FBXO7: variants seen among roughly 807,000 people sequenced by gnomAD.
FBXO7 encodes F-box only protein 7.
In FBXO7, 31 loss-of-function variants were observed where a neutral mutation model predicts 50.2. The observed-to-expected ratio is 0.62, with a 90% CI of 0.46 to 0.83. FBXO7 has a LOEUF of 0.83. Among genes scored for constraint, FBXO7 ranks in the 40% least tolerant of loss-of-function variants. FBXO7 has a pLI of 0.00. For missense variants in FBXO7, 667 were observed against 646.6 expected (o/e 1.03, Z -0.34); for synonymous variants, 256 against 253.1 (o/e 1.01, Z -0.11).
At position 32,490,985 on chromosome 22, in the gene FBXO7, T is replaced by A. The variant is rs534353814; in HGVS notation, c.872-101T>A. ...GTTCATGCTTATCTTTGTGAATTAT[T>A]TGTGAATATTTATTCACCATGTTGA... On this transcript the variant is annotated intron_variant, in intron 5 of 8. Coordinates refer to ENST00000266087, the MANE Select transcript of FBXO7 (RefSeq NM_012179.4). 8 of 816,400 alleles carry A rather than the reference T, an allele frequency of 9.8e-6. No individual in the cohort carries two copies. In the South Asian group the frequency reaches 1.0e-4, roughly 10 times the overall value. 50.6% of individuals were successfully genotyped at this position (816,400 alleles called of 1,614,324 possible). A position where few individuals can be genotyped will look rare whatever the true frequency, so the allele number is the denominator to read the frequency against.
At chr22:32,493,771 G>T (rs758259315) in intron 7 of FBXO7, among the ~76,000 whole-genome samples, 24 of 152,026 alleles carry the variant, frequency 1.6e-4, no homozygotes, top group African/African-American at 5.3e-4. Context: ...CCAAAAGCCT[G>T]ATTGTGGAAC....
intron 2 of FBXO7, among the ~76,000 whole-genome samples, chr22:32,481,594 A>G (rs2057465124): frequency 1.3e-5 from 2 of 152,258 alleles, no homozygotes; most frequent in Non-Finnish European, 2.9e-5. Context: ...CTCATAAATA[A>G]TGCTTTCAAG....
rs1388222868 is a variant in FBXO7, at chr22:32,485,119, G to C, written c.697G>C (p.Val233Leu). The C allele has an allele frequency of 1.2e-6, 2 of 1,614,186 alleles. No individual in the cohort carries two copies. The highest frequency in any genetic ancestry group is 2.2e-5 in the East Asian group (1 of 44,878). Residue 233 changes from valine (V) to leucine (L), a missense_variant, in exon 4 of 9, where the codon GTG becomes CTG. Val to Leu is a conservative substitution (Grantham distance 32). Transcript: ENST00000266087. Reference protein sequence around the residue: ...SMPEKWKLSGVYKLQYMHPLC... With the variant: ...SMPEKWKLSGLYKLQYMHPLC... ...GCCGGAGAAGTGGAAGTTGAGCGGG[G>C]TGTATAAGCTGCAGTACATGCATCC...
intron 1 of FBXO7, among the ~76,000 whole-genome samples, chr22:32,477,112 C>T (rs932817200): frequency 6.6e-6 from 1 of 152,140 alleles, no homozygotes; most frequent in Non-Finnish European, 1.5e-5. Flanking sequence ...AGATTTTCAA[C>T]GTTTTGTTTA....
intron 1 of FBXO7, among the ~76,000 whole-genome samples, chr22:32,478,746 A>G (rs1399040798): frequency 6.6e-6 from 1 of 151,870 alleles, no homozygotes; most frequent in East Asian, 1.9e-4. Flanking sequence ...CAAAAACAAA[A>G]ATGTAGCTGG....
chr22:32,482,258 T>C (rs957197813), intron 2 of FBXO7, among the ~76,000 whole-genome samples: 2 of 152,188 alleles, frequency 1.3e-5, no homozygotes, highest in Admixed American at 1.3e-4. Context: ...CATTGGCCTT[T>C]AGGTTTTAAC....
At chr22:32,496,171 T>C (rs2057573009) in intron 8 of FBXO7, among the ~76,000 whole-genome samples, 1 of 152,202 alleles carries the variant, frequency 6.6e-6, no homozygotes, top group Non-Finnish European at 1.5e-5. Context: ...CTGAAAATCC[T>C]AGGGCCCTTA....
intron 4 of FBXO7, among the ~76,000 whole-genome samples, chr22:32,485,768 T>C (rs2057494570): frequency 6.6e-6 from 1 of 152,134 alleles, no homozygotes; most frequent in Admixed American, 6.5e-5. Context: ...TGAATAACTT[T>C]TCCTGTTTAT....
In FBXO7 at chr22:32,484,386, T is replaced by A. The variant is rs577331850; in HGVS notation, c.645+262T>A. Among the ~76,000 whole-genome samples the A allele has an allele frequency of 2.0e-5, 3 of 152,288 alleles. No homozygotes were observed. The South Asian group carries it at 6.2e-4, about 32-fold the overall frequency. ...ACCTTATTAAAATGCAGATTCTGAT[T>A]TAGTAACTGTAGAATGGACCGTGAA... On this transcript the variant is annotated intron_variant, in intron 3 of 8. Transcript: ENST00000266087.
At position 32,485,218 on chromosome 22, in the gene FBXO7, A is replaced by G; in HGVS notation, c.787+9A>G. The G allele has an allele frequency of 6.2e-7, 1 of 1,614,082 alleles. No homozygotes were observed. Among genetic ancestry groups the G allele is most frequent in the Non-Finnish European group, 8.5e-7 (1 of 1,179,968 alleles). ...CCTGATTGTTGTAAATGGTAATTGGATAGCATAGTCATGGTTGCTGGTTTA... is the reference window on the plus strand; with the variant it reads ...CCTGATTGTTGTAAATGGTAATTGGGTAGCATAGTCATGGTTGCTGGTTTA... On this transcript the variant is annotated intron_variant, in intron 4 of 8. Coordinates refer to ENST00000266087, the MANE Select transcript of FBXO7 (RefSeq NM_012179.4).
chr22:32,487,637 T>C (rs2057506712), intron 4 of FBXO7, 108 bp from the exon 5 acceptor site: 12 of 724,856 alleles, frequency 1.7e-5, no homozygotes, highest in South Asian at 1.2e-4. Flanking sequence ...TTTTGTATAA[T>C]GTGTCCTTAG....
chr22:32,481,957 G>A (rs2145991215), intron 2 of FBXO7, among the ~76,000 whole-genome samples: 1 of 152,024 alleles, frequency 6.6e-6, no homozygotes, highest in Admixed American at 6.5e-5. Context: ...AATGTCAGTG[G>A]TTCTTATGGA....
intron 5 of FBXO7, 103 bp from the exon 6 acceptor site, chr22:32,490,983 A>T: frequency 1.2e-6 from 1 of 808,354 alleles, no homozygotes; most frequent in Non-Finnish European, 2.1e-6. Flanking sequence ...TTTGTGAATT[A>T]TTTGTGAATA....
At chr22:32,478,543 A>C (rs1426781898) in intron 1 of FBXO7, among the ~76,000 whole-genome samples, 1 of 152,146 alleles carries the variant, frequency 6.6e-6, no homozygotes, top group African/African-American at 2.4e-5. Flanking sequence ...TTCATTGATA[A>C]ATACTTTTGA....
intron 7 of FBXO7, 80 bp from the exon 8 acceptor site, chr22:32,495,413 A>G: frequency 1.2e-6 from 1 of 850,610 alleles, no homozygotes; most frequent in Non-Finnish European, 1.9e-6. Flanking sequence ...CACTTTTCTT[A>G]GGAGAAAAAC....
At chr22:32,498,077 T>A in intron 8 of FBXO7, 67 bp from the exon 9 acceptor site, 2 of 1,549,166 alleles carry the variant, frequency 1.3e-6, no homozygotes, top group South Asian at 2.2e-5. Flanking sequence ...GAAAGCAAAT[T>A]AGAACTAAAG....
Position 32,484,077 on chromosome 22 carries a change from A to T in FBXO7, c.598A>T (p.Ile200Leu), listed in dbSNP as rs755646509. 1.9e-6 allele frequency: 3 copies of T among 1,614,188 alleles called. No homozygotes were observed. The highest frequency in any genetic ancestry group is 3.3e-5 in the Admixed American group (2 of 60,028). ...ADCSDANDAL[I>L]VLIHLLMLES... ...CTGTTCTGATGCCAATGATGCCTTG[A>T]TAGTGTTGATACATCTTCTCATGTT... The change falls in exon 3 of 9, where the codon ATA (isoleucine) becomes TTA (leucine). Residue 200 changes from isoleucine (I) to leucine (L), a missense_variant. Physicochemically the swap from Ile to Leu is conservative, Grantham distance 5. Transcript: ENST00000266087.
chr22:32,478,869 C>G (rs956408329), intron 1 of FBXO7, 112 bp from the exon 2 acceptor site: 1 of 1,055,608 alleles, frequency 9.5e-7, no homozygotes, highest in South Asian at 1.3e-5. Context: ...CTTGTCTCTT[C>G]ATCACTTAGT....
chr22:32,477,973 G>A (rs2057439642), intron 1 of FBXO7: 1 of 152,190 alleles, frequency 6.6e-6, no homozygotes, highest in Non-Finnish European at 1.5e-5. Context: ...AGAATAGAGA[G>A]CGCTGGAGTC....
Sources: allele counts gnomAD v4.1 joint callset (sites outside exome capture counted in the v4.1 genomes callset), GRCh38; gene constraint gnomAD v4.1.1; transcripts MANE v1.5; gene names NCBI Gene and HGNC (gene_info 2026-07-23, HGNC 2026-07-21).